The following RALYL variants were observed in gnomAD, a reference collection of about 807,000 sequenced individuals.
The protein encoded by RALYL is RNA-binding Raly-like protein.
Under a neutral mutation model 35.1 loss-of-function variants are expected in RALYL, and 29 were observed. The ratio of observed to expected loss-of-function variants is 0.83; its 90% CI spans 0.61 to 1.13. The LOEUF is 1.13. Among genes scored for constraint, RALYL ranks in the 50% most tolerant of loss-of-function variants. The pLI is 0.00. For synonymous variants in RALYL, 120 were observed against 127.6 expected (o/e 0.94, Z 0.40); for missense variants, 359 against 360.4 (o/e 1.00, Z 0.03).
At chr8:84,571,353 GT>G (rs1483323864) in intron 2 of RALYL, among the ~76,000 whole-genome samples, 1 of 151,694 alleles carries the variant, frequency 6.6e-6, no homozygotes, top group Non-Finnish European at 1.5e-5. Context: ...CTGGTTGTAA[GT>G]TTTTAGAAAT....
rs148475675 is a variant in RALYL at position 84,624,211 on chromosome 8, CT to C, written c.256+94638del. Among the ~76,000 whole-genome samples, 149 of 152,204 alleles carry C rather than the reference CT, an allele frequency of 9.8e-4. 2 individuals are homozygous for C. The East Asian group carries it at 0.027, about 28-fold the overall frequency. ...TAGACATCACTAATTTTTAGAAAAC[CT>C]TTTCTTACTGTACTAGTTCTCTACT... On this transcript the variant is annotated intron_variant, in intron 2 of 8. Coordinates refer to ENST00000521268, the MANE Select transcript of RALYL (RefSeq NM_173848.7).
chr8:84,728,716 A>G (rs907143097), intron 2 of RALYL, among the ~76,000 whole-genome samples: 1 of 152,114 alleles, frequency 6.6e-6, no homozygotes, highest in African/African-American at 2.4e-5. Flanking sequence ...TCCCAGCACC[A>G]TTTATTAAAT....
chr8:84,411,678 C>A (rs2044116619), intron 1 of RALYL, among the ~76,000 whole-genome samples: 1 of 151,914 alleles, frequency 6.6e-6, no homozygotes, highest in African/African-American at 2.4e-5. Flanking sequence ...TCTATCTTTT[C>A]CCCTAGTGAA....
intron 1 of RALYL, among the ~76,000 whole-genome samples, chr8:84,312,049 G>A (rs1030461226): frequency 2.9e-4 from 44 of 152,132 alleles, no homozygotes; most frequent in African/African-American, 8.7e-4. Context: ...CATGGCTGGG[G>A]GAGGCCTCAG....
intron 2 of RALYL, among the ~76,000 whole-genome samples, chr8:84,538,660 T>C (rs1006922380): frequency 1.3e-5 from 2 of 152,114 alleles, no homozygotes; most frequent in Non-Finnish European, 2.9e-5. Context: ...GAGTAAAATA[T>C]TTATACATAA....
At chr8:84,456,531 T>G (rs2050156317) in intron 1 of RALYL, among the ~76,000 whole-genome samples, 1 of 152,014 alleles carries the variant, frequency 6.6e-6, no homozygotes, top group Admixed American at 6.6e-5. Context: ...ATAATTGAGC[T>G]TGCTTCTAAA....
At chr8:84,658,812 A>C (rs1254406981) in intron 2 of RALYL, among the ~76,000 whole-genome samples, 1 of 152,222 alleles carries the variant, frequency 6.6e-6, no homozygotes, top group East Asian at 1.9e-4. Context: ...TGAAAGAGGA[A>C]TTGGGGTAGG....
chr8:84,489,131 C>A (rs2054971387), intron 1 of RALYL, among the ~76,000 whole-genome samples: 1 of 151,992 alleles, frequency 6.6e-6, no homozygotes. Flanking sequence ...AGTTTCCTAT[C>A]AAATATGAGC....
chr8:84,862,944 A>G (rs1410203201), intron 6 of RALYL, among the ~76,000 whole-genome samples: 1 of 152,212 alleles, frequency 6.6e-6, no homozygotes, highest in African/African-American at 2.4e-5. Flanking sequence ...GTATCTGAAG[A>G]TATATTTAAT....
At chr8:84,685,356 G>GCTA (rs1168369419) in intron 2 of RALYL, among the ~76,000 whole-genome samples, 2 of 151,952 alleles carry the variant, frequency 1.3e-5, no homozygotes, top group Non-Finnish European at 2.9e-5. Context: ...ACCAGGTGAG[G>GCTA]CTACTGCACT....
intron 2 of RALYL, among the ~76,000 whole-genome samples, chr8:84,761,837 G>A (rs1340213157): frequency 1.3e-5 from 2 of 152,140 alleles, no homozygotes; most frequent in African/African-American, 4.8e-5. Flanking sequence ...AAATAGCATT[G>A]TGTATTAGGA....
chr8:84,619,678 C>G (rs1338308982), intron 2 of RALYL, among the ~76,000 whole-genome samples: 2 of 151,240 alleles, frequency 1.3e-5, no homozygotes, highest in African/African-American at 4.9e-5. Flanking sequence ...GATGCAGTTA[C>G]TTCCTAGTCT....
In RALYL at chr8:84,757,605, T is replaced by C. The variant is rs1273932989; in HGVS notation, c.257-16974T>C. ...ACTTGTGAGCACTGAATTTGTAATC[T>C]AAATGTTAGTAGAATTAAAAAGAGG... On this transcript the variant is annotated intron_variant, in intron 2 of 8. Transcript: ENST00000521268. Among the ~76,000 whole-genome samples, 4 of 151,994 alleles carry C rather than the reference T, an allele frequency of 2.6e-5. No homozygotes were observed. In the East Asian group the frequency reaches 5.8e-4, roughly 22 times the overall value.
intron 4 of RALYL, among the ~76,000 whole-genome samples, chr8:84,814,018 C>T (rs1479147710): frequency 6.6e-6 from 1 of 151,344 alleles, no homozygotes; most frequent in African/African-American, 2.4e-5. Context: ...TTTATCCTTG[C>T]GATAGTTTGC....
At chr8:84,806,965 C>T (rs1465838117) in intron 4 of RALYL, among the ~76,000 whole-genome samples, 5 of 152,052 alleles carry the variant, frequency 3.3e-5, no homozygotes, top group Admixed American at 6.5e-5. Flanking sequence ...GAACCGAGAT[C>T]GCACCACTTC....
intron 1 of RALYL, among the ~76,000 whole-genome samples, chr8:84,415,643 G>A (rs938204934): frequency 2.6e-5 from 4 of 152,042 alleles, no homozygotes; most frequent in African/African-American, 9.7e-5. Flanking sequence ...TGCCCTAGGG[G>A]CACTATTGCC....
intron 1 of RALYL, among the ~76,000 whole-genome samples, chr8:84,276,925 A>G (rs1009103035): frequency 1.3e-5 from 2 of 152,230 alleles, no homozygotes; most frequent in African/African-American, 4.8e-5. Context: ...TTCTGTCTTC[A>G]TGTCAGGGAT....
At chr8:84,287,457 C>T (rs1837869607) in intron 1 of RALYL, among the ~76,000 whole-genome samples, 1 of 151,846 alleles carries the variant, frequency 6.6e-6, no homozygotes, top group Admixed American at 6.6e-5. Context: ...GATCTGAAAT[C>T]CTCAAGGAAG....
intron 1 of RALYL, among the ~76,000 whole-genome samples, chr8:84,405,998 C>T (rs1586907178): frequency 7.0e-6 from 1 of 142,258 alleles, no homozygotes; most frequent in Admixed American, 7.1e-5. Context: ...CAATGCAAGA[C>T]AATTGCAGAC....
Sources: allele counts gnomAD v4.1 joint callset (sites outside exome capture counted in the v4.1 genomes callset), GRCh38; gene constraint gnomAD v4.1.1; transcripts MANE v1.5; gene names NCBI Gene and HGNC (gene_info 2026-07-23, HGNC 2026-07-21).